CHAD: variants seen among roughly 807,000 people sequenced by gnomAD.
CHAD encodes the protein cartilage leucine-rich protein.
In CHAD, 18 loss-of-function variants were observed where a neutral mutation model predicts 24.0. The ratio of observed to expected loss-of-function variants is 0.75; its 90% CI spans 0.52 to 1.11. The LOEUF is 1.11. CHAD is among the 50% of genes most tolerant of loss of function. The pLI is 0.00. For missense variants in CHAD, 440 were observed against 467.2 expected (o/e 0.94, Z 0.54); for synonymous variants, 195 against 211.6 (o/e 0.92, Z 0.68).
intron 1 of CHAD, among the ~76,000 whole-genome samples, chr17:50,466,356 T>A (rs1262200670): frequency 6.6e-6 from 1 of 152,200 alleles, no homozygotes; most frequent in Non-Finnish European, 1.5e-5. Flanking sequence ...CCCAAAGTGC[T>A]GGGATTACAG....
In CHAD at chr17:50,468,349, G is replaced by A. The variant is rs1327432509; in HGVS notation, c.465C>T (p.Asn155=). 1 of 1,614,220 alleles carries A rather than the reference G, an allele frequency of 6.2e-7. No individual in the cohort carries two copies. The highest frequency in any genetic ancestry group is 8.5e-7 in the Non-Finnish European group (1 of 1,180,048). ...CGCGCAGCTCACGGATCTTGTTGTT[G>A]TTGAGCTGCAAGATGAAGAGGTTGA... ...PLVNLFILQL[N]NNKIRELRAG... Residue 155 remains asparagine, a synonymous_variant, in exon 1 of 4, where the codon AAC becomes AAT. Coordinates refer to ENST00000508540, the MANE Select transcript of CHAD (RefSeq NM_001267.3).
Position 50,468,766 on chromosome 17 carries a change from C to T in CHAD, c.48G>A (p.Leu16=). 2 of 1,586,652 alleles carry T rather than the reference C, an allele frequency of 1.3e-6. No individual in the cohort carries two copies. Among genetic ancestry groups the T allele is most frequent in the South Asian group, 1.1e-5 (1 of 89,104 alleles). The change falls in exon 1 of 4, where the codon CTG becomes CTA. Residue 16 remains leucine, a synonymous_variant. Transcript: ENST00000508540. The part of the protein sequence containing the change: ...LLLSLGLLAG[L]LPALAACPQN... ...GGGGGCAGGCGGCCAGCGCCGGCAG[C>T]AGACCAGCCAGGAGGCCGAGGCTGA...
chr17:50,466,835 G>A (rs1471927134), intron 1 of CHAD, among the ~76,000 whole-genome samples: 1 of 152,178 alleles, frequency 6.6e-6, no homozygotes, highest in South Asian at 2.1e-4. Context: ...CCCCTAATTC[G>A]CTGCTCTGCT....
chr17:50,466,038 T>G, intron 1 of CHAD, among the ~76,000 whole-genome samples, 168 bp from the exon 2 acceptor site: 1 of 151,530 alleles, frequency 6.6e-6, no homozygotes. Context: ...TAATCCAATC[T>G]ACACAACCCC....
At position 50,464,770 on chromosome 17, in the gene CHAD, G is replaced by GGGGC. The variant is rs2032576621; in HGVS notation, c.*283_*284insGCCC. 3 of 163,352 alleles carry GGGGC rather than the reference G, an allele frequency of 1.8e-5. 1 individual carries two copies. The highest frequency in any genetic ancestry group is 2.3e-5 in the Non-Finnish European group (2 of 86,610). The allele number at this position is 163,352 out of a possible 1,614,324, so 10.1% of individuals were successfully genotyped here. A position where few individuals can be genotyped will look rare whatever the true frequency, so the allele number is the denominator to read the frequency against. On this transcript the variant is annotated 3_prime_UTR_variant, in exon 4 of 4. Transcript: ENST00000508540. ...AACCTGTTGTGGTTCTGATTGACTT[G>GGGGC]GGGGGGGGGTCTCAGCAACAGCTTC...
intron 3 of CHAD, 116 bp downstream of exon 3, chr17:50,465,178 G>A (rs2032617473): frequency 7.9e-7 from 1 of 1,272,940 alleles, no homozygotes; most frequent in African/African-American, 1.5e-5. Flanking sequence ...TCCTCTCTCT[G>A]TAAAAATGGA....
chr17:50,465,759 C>CGAG lies in CHAD; in HGVS notation c.883_885dup (p.Leu295dup). The CGAG allele has an allele frequency of 1.9e-6, 3 of 1,613,540 alleles. No homozygotes were observed. Among genetic ancestry groups the CGAG allele is most frequent in the Non-Finnish European group, 1.7e-6 (2 of 1,179,916 alleles). On this transcript the variant is annotated inframe_insertion, in exon 2 of 4. Transcript: ENST00000508540. The stretch of plus-strand genomic sequence containing the variant: ...CACTTCCAGGGGTTATTGGTAAGGG[C>CGAG]GAGGGTCTCCAGGCTGTCGAAGGGG...
chr17:50,467,861 G>C (rs1371049165), intron 1 of CHAD, 179 bp downstream of exon 1: 1 of 580,750 alleles, frequency 1.7e-6, no homozygotes, highest in Middle Eastern at 4.1e-4. Flanking sequence ...GCAGCAGACA[G>C]GGATTAGGGT....
chr17:50,465,170 C>T, intron 3 of CHAD, 121 bp from the exon 4 acceptor site: 1 of 1,177,790 alleles, frequency 8.5e-7, no homozygotes, highest in Non-Finnish European at 1.2e-6. Flanking sequence ...TCGTCCCCTC[C>T]TCTCTCTGTA....
chr17:50,468,338 A>C lies in CHAD; in HGVS notation c.476T>G (p.Ile159Ser). The change falls in exon 1 of 4, where the codon ATC becomes AGC. Residue 159 changes from isoleucine to serine, a missense_variant. By Grantham distance (142) the Ile-to-Ser change is moderately radical. Coordinates refer to ENST00000508540, the MANE Select transcript of CHAD (RefSeq NM_001267.3). ...LFILQLNNNKIRELRAGAFQG... is the reference protein window; with the variant it reads ...LFILQLNNNKSRELRAGAFQG... ...GAAGGCGCCTGCGCGCAGCTCACGG[A>C]TCTTGTTGTTGTTGAGCTGCAAGAT... 6.2e-7 allele frequency: 1 copy of C among 1,614,178 alleles called. No homozygotes were observed. Among genetic ancestry groups the C allele is most frequent in the Non-Finnish European group, 8.5e-7 (1 of 1,180,030 alleles).
chr17:50,468,851 G>T lies in CHAD; in HGVS notation c.-38C>A. On this transcript the variant is annotated 5_prime_UTR_variant, in exon 1 of 4. Transcript: ENST00000508540. ...TGGGGCCGGGGCTGGGGGCAGCAGC[G>T]GCGGCGGGGCGCGGGCAGCGGCGAG... 1 of 1,451,824 alleles carries T rather than the reference G, an allele frequency of 6.9e-7. No individual in the cohort carries two copies. Among genetic ancestry groups the T allele is most frequent in the Admixed American group, 2.7e-5 (1 of 36,564 alleles). The allele number at this position is 1,451,824 out of a possible 1,614,324, so 89.9% of individuals were successfully genotyped here.
At chr17:50,466,005 C>A in intron 1 of CHAD, 135 bp from the exon 2 acceptor site, 1 of 858,762 alleles carries the variant, frequency 1.2e-6, no homozygotes, top group Non-Finnish European at 1.8e-6. Flanking sequence ...GTTTTCAAAG[C>A]AGTATGACCA....
At chr17:50,465,660 C>CT (rs1567859303) in intron 2 of CHAD, 47 bp downstream of exon 2, 1 of 1,605,000 alleles carries the variant, frequency 6.2e-7, no homozygotes, top group South Asian at 1.1e-5. Context: ...TAATGTGCCT[C>CT]TATCACATGA....
chr17:50,468,831 C>A lies in CHAD; in HGVS notation c.-18G>T. ...CGGACCATGGCTGGGACGCCTGGGGCCGGGGCTGGGGGCAGCAGCGGCGGC... is the reference window on the plus strand; with the variant it reads ...CGGACCATGGCTGGGACGCCTGGGGACGGGGCTGGGGGCAGCAGCGGCGGC... On this transcript the variant is annotated 5_prime_UTR_variant, in exon 1 of 4. Transcript: ENST00000508540. The A allele has an allele frequency of 1.3e-6, 2 of 1,498,932 alleles. No homozygotes were observed. The highest frequency in any genetic ancestry group is 1.8e-6 in the Non-Finnish European group (2 of 1,129,710). The allele number at this position is 1,498,932 out of a possible 1,614,324, so 92.9% of individuals were successfully genotyped here.
intron 2 of CHAD, 34 bp from the exon 3 acceptor site, chr17:50,465,473 G>A: frequency 6.2e-7 from 1 of 1,611,720 alleles, no homozygotes; most frequent in East Asian, 2.2e-5. Context: ...GGCTGGGGAA[G>A]AAGGTGGGAG....
chr17:50,465,475 A>C, intron 2 of CHAD, 36 bp from the exon 3 acceptor site: 1 of 1,611,498 alleles, frequency 6.2e-7, no homozygotes, highest in Non-Finnish European at 8.5e-7. Flanking sequence ...CTGGGGAAGA[A>C]GGTGGGAGTG....
chr17:50,465,493 G>C (rs990502788), intron 2 of CHAD, 54 bp from the exon 3 acceptor site: 1 of 1,597,024 alleles, frequency 6.3e-7, no homozygotes, highest in South Asian at 1.1e-5. Flanking sequence ...GTGCTGGGGG[G>C]AAGGGCAGTG....
Position 50,468,249 on chromosome 17 carries a change from C to G in CHAD, c.565G>C (p.Gly189Arg), listed in dbSNP as rs147638039. The part of the protein sequence containing the change: ...SENALSSLQP[G>R]ALDDVENLAK... ...AGGTTCTCCACGTCGTCCAGGGCCC[C>G]GGGCTGCAGGGAGCTCAACGCGTTT... Residue 189 changes from glycine (G) to arginine (R), a missense_variant, in exon 1 of 4, where the codon GGG (glycine) becomes CGG (arginine). Transcript: ENST00000508540. 163 of 1,611,480 alleles carry G rather than the reference C, an allele frequency of 1.0e-4. No homozygotes were observed. In the African/African-American group the frequency reaches 1.1e-3, roughly 11 times the overall value.
Position 50,465,280 on chromosome 17 carries a change from T to A in CHAD, c.*4+14A>T. 3 of 1,613,890 alleles carry A rather than the reference T, an allele frequency of 1.9e-6. No homozygotes were observed. The East Asian group carries it at 6.7e-5, about 36-fold the overall frequency. On this transcript the variant is annotated intron_variant, in intron 3 of 3. Transcript: ENST00000508540. ...CAAAGAGGGACATAGGGGACCTGTT[T>A]ACCTGGCCCCCACCTGTTTAATGGC... is the stretch of plus-strand genomic sequence containing the variant.
Sources: allele counts gnomAD v4.1 joint callset (sites outside exome capture counted in the v4.1 genomes callset), GRCh38; gene constraint gnomAD v4.1.1; transcripts MANE v1.5; gene names NCBI Gene and HGNC (gene_info 2026-07-23, HGNC 2026-07-21).